The following SCML4 variants were observed in gnomAD, a reference collection of about 807,000 sequenced individuals.
The protein encoded by SCML4 is Scm polycomb group protein like 4.
In SCML4, 34 loss-of-function variants were observed where a neutral mutation model predicts 41.1. The observed-to-expected ratio is 0.83, with a 90% CI of 0.63 to 1.10. SCML4 has a LOEUF of 1.10. Ranked by LOEUF, SCML4 falls within the 50% of genes least tolerant of loss-of-function variation. The probability of loss-of-function intolerance (pLI) is 0.00; values close to 1 mark genes in which losing one functional copy is unlikely to be tolerated. For synonymous variants in SCML4, 214 were observed against 220.9 expected, an observed-to-expected ratio of 0.97 and a Z score of 0.28; for missense variants, 522 against 534.1, an observed-to-expected ratio of 0.98 and a Z score of 0.22.
intron 1 of SCML4, among the ~76,000 whole-genome samples, chr6:107,809,804 T>C (rs189899474): frequency 6.6e-6 from 1 of 152,314 alleles, no homozygotes; most frequent in East Asian, 1.9e-4. Flanking sequence ...GGTAGCCTAG[T>C]CGAGGAAGCC....
rs191870009 is a variant in SCML4, at chr6:107,813,190, C to T, written c.-60+10936G>A. Among the ~76,000 whole-genome samples, 15 of 150,338 alleles carry T rather than the reference C, an allele frequency of 1.0e-4. No individual in the cohort carries two copies. The East Asian group carries it at 1.4e-3, about 14-fold the overall frequency. ...CCAGCCTGGCAACATGATGAAACCC[C>T]GTCTCTACCAAAAATACAAAAAATT... is the stretch of plus-strand genomic sequence containing the variant. On this transcript the variant is annotated intron_variant, in intron 1 of 7. Coordinates refer to ENST00000369020, the MANE Select transcript of SCML4 (RefSeq NM_198081.5).
intron 1 of SCML4, 31 bp from the exon 2 acceptor site, chr6:107,772,417 A>C (rs1780598043): frequency 1.6e-6 from 2 of 1,263,446 alleles, no homozygotes; most frequent in South Asian, 3.2e-5. Flanking sequence ...AAAGCAAAAC[A>C]AAAACAGAAG....
At position 107,788,721 on chromosome 6, in the gene SCML4, G is replaced by C. The variant is rs540869991; in HGVS notation, c.-59-16335C>G. Among the ~76,000 whole-genome samples the C allele has an allele frequency of 3.5e-5, 3 of 84,522 alleles. No individual in the cohort carries two copies. The South Asian group carries it at 1.2e-3, about 35-fold the overall frequency. 55.4% of individuals were successfully genotyped at this position (84,522 alleles called of 152,430 possible). ...AGAAAGCTGTGAGCCAGGGAGGAAG[G>C]CTAGGGTACTGGTGGTGCCTGACAC... On this transcript the variant is annotated intron_variant, in intron 1 of 7. Coordinates refer to ENST00000369020, the MANE Select transcript of SCML4 (RefSeq NM_198081.5).
At chr6:107,717,651 G>A (rs997841964) in intron 6 of SCML4, among the ~76,000 whole-genome samples, 2 of 152,182 alleles carry the variant, frequency 1.3e-5, no homozygotes, top group Non-Finnish European at 2.9e-5. Context: ...GGGTTCAAGC[G>A]ATTCTCTTGC....
At chr6:107,718,961 G>C (rs1480665887) in intron 6 of SCML4, 1 of 152,218 alleles carries the variant, frequency 6.6e-6, no homozygotes, top group Non-Finnish European at 1.5e-5. Context: ...TGAGGGCACA[G>C]ACATGATGCA....
intron 1 of SCML4, among the ~76,000 whole-genome samples, chr6:107,791,516 C>T (rs966460284): frequency 6.6e-6 from 1 of 152,124 alleles, no homozygotes; most frequent in Non-Finnish European, 1.5e-5. Flanking sequence ...CATATTTTAT[C>T]CCAATTTCCA....
At chr6:107,751,631 TTTCTTTCTTTCTTTC>T (rs1382031136) in intron 2 of SCML4, among the ~76,000 whole-genome samples, 99 of 148,916 alleles carry the variant, frequency 6.6e-4, no homozygotes, top group African/African-American at 2.2e-3. Flanking sequence ...TCTTTCTTTC[TTTCTTTCTTTCTTTC>T]TTTTTTGAGA....
intron 1 of SCML4, among the ~76,000 whole-genome samples, chr6:107,779,030 A>T (rs1304102819): frequency 6.6e-6 from 1 of 151,818 alleles, no homozygotes; most frequent in East Asian, 1.9e-4. Context: ...AATACAAAAC[A>T]TTAGCCGGGC....
At chr6:107,706,352 C>T (rs1773625872) in intron 7 of SCML4, among the ~76,000 whole-genome samples, 1 of 152,220 alleles carries the variant, frequency 6.6e-6, no homozygotes. Flanking sequence ...AAGCATAACC[C>T]ACTCTGTGGT....
the SCML4 span, among the ~76,000 whole-genome samples, chr6:107,837,793 C>T: frequency 6.6e-6 from 1 of 152,158 alleles, no homozygotes; most frequent in Non-Finnish European, 1.5e-5. Flanking sequence ...TAAATTACCC[C>T]TCCAGTTGCA....
At chr6:107,779,399 G>T (rs1025292141) in intron 1 of SCML4, among the ~76,000 whole-genome samples, 1 of 152,036 alleles carries the variant, frequency 6.6e-6, no homozygotes, top group African/African-American at 2.4e-5. Context: ...ATTTTCCCGG[G>T]CAGAGCAGAG....
the SCML4 span, among the ~76,000 whole-genome samples, chr6:107,836,667 A>G: frequency 6.6e-6 from 1 of 152,216 alleles, no homozygotes; most frequent in African/African-American, 2.4e-5. Context: ...CACCTCAAAC[A>G]GGTAATGCAT....
intron 1 of SCML4, among the ~76,000 whole-genome samples, chr6:107,813,380 A>G (rs1784319575): frequency 7.8e-5 from 1 of 12,786 alleles, no homozygotes; most frequent in Non-Finnish European, 1.7e-4. Context: ...TTATATATAT[A>G]TATATATATA....
the SCML4 span, among the ~76,000 whole-genome samples, chr6:107,830,901 T>A: frequency 6.6e-6 from 1 of 152,166 alleles, no homozygotes; most frequent in African/African-American, 2.4e-5. Context: ...ACTAGGTTTC[T>A]CTTTCCCACC....
chr6:107,807,672 A>G (rs1292973607), intron 1 of SCML4, among the ~76,000 whole-genome samples: 1 of 152,188 alleles, frequency 6.6e-6, no homozygotes, highest in Non-Finnish European at 1.5e-5. Context: ...ACTGGTAGAA[A>G]TATCTAAAAA....
intron 1 of SCML4, among the ~76,000 whole-genome samples, chr6:107,816,776 T>C (rs1392567482): frequency 6.6e-6 from 1 of 152,258 alleles, no homozygotes; most frequent in Non-Finnish European, 1.5e-5. Flanking sequence ...CCTTGAATGT[T>C]AGATGTTTTT....
At chr6:107,734,234 T>A (rs1456712790) in intron 5 of SCML4, among the ~76,000 whole-genome samples, 2 of 152,228 alleles carry the variant, frequency 1.3e-5, no homozygotes, top group East Asian at 3.8e-4. Context: ...TCTCAGGTGC[T>A]GGCATCTTTA....
At chr6:107,839,407 AAG>A in the SCML4 span, among the ~76,000 whole-genome samples, 447 of 146,470 alleles carry the variant, frequency 3.1e-3, 8 homozygotes, top group African/African-American at 0.011. Flanking sequence ...GAAAGAAAGA[AAG>A]AGGAAGAAGA....
chr6:107,794,418 A>G (rs981225603), intron 1 of SCML4, among the ~76,000 whole-genome samples: 1 of 152,212 alleles, frequency 6.6e-6, no homozygotes, highest in Admixed American at 6.5e-5. Flanking sequence ...TTCTCTATGT[A>G]CTAACAAGGA....
Sources: allele counts gnomAD v4.1 joint callset (sites outside exome capture counted in the v4.1 genomes callset), GRCh38; gene constraint gnomAD v4.1.1; transcripts MANE v1.5; gene names NCBI Gene and HGNC (gene_info 2026-07-23, HGNC 2026-07-21).